Variants in OPCML observed in about 807,000 individuals in gnomAD.
OPCML encodes opioid binding protein/cell adhesion molecule like.
In OPCML, 13 loss-of-function variants were observed where a neutral mutation model predicts 37.8. The ratio of observed to expected loss-of-function variants is 0.34; its 90% CI spans 0.22 to 0.55. The LOEUF (loss-of-function observed/expected upper bound fraction) is 0.55. OPCML is among the 20% of genes least tolerant of loss of function. OPCML has a pLI of 0.91. For missense variants in OPCML, 341 were observed against 435.6 expected (o/e 0.78, Z 1.93); for synonymous variants, 176 against 168.8 (o/e 1.04, Z -0.33).
chr11:132,445,165 CA>C (rs1423180154), intron 4 of OPCML, among the ~76,000 whole-genome samples: 1 of 152,198 alleles, frequency 6.6e-6, no homozygotes, highest in East Asian at 1.9e-4. Flanking sequence ...ATCACAAGAT[CA>C]ATGTGTTACT....
At chr11:133,382,890 T>G (rs1188813947) in intron 1 of OPCML, among the ~76,000 whole-genome samples, 1 of 152,158 alleles carries the variant, frequency 6.6e-6, no homozygotes, top group African/African-American at 2.4e-5. Context: ...AGCTCCTAGA[T>G]AGCTTTTCTG....
intron 1 of OPCML, among the ~76,000 whole-genome samples, chr11:133,213,963 G>T (rs1480196101): frequency 6.6e-6 from 1 of 152,028 alleles, no homozygotes; most frequent in African/African-American, 2.4e-5. Context: ...AAGTGATTTT[G>T]ATTTTTAGAT....
chr11:133,466,754 T>G (rs939167092), intron 1 of OPCML, among the ~76,000 whole-genome samples: 2 of 152,148 alleles, frequency 1.3e-5, no homozygotes, highest in East Asian at 3.9e-4. Context: ...TTTAGTAACT[T>G]GAGTGACAAG....
chr11:132,842,381 C>T (rs1219096175), intron 2 of OPCML, among the ~76,000 whole-genome samples: 1 of 152,246 alleles, frequency 6.6e-6, no homozygotes, highest in East Asian at 1.9e-4. Flanking sequence ...CACCACATTA[C>T]TCAGCAGCTC....
At chr11:132,875,096 T>C (rs960008502) in intron 2 of OPCML, among the ~76,000 whole-genome samples, 1 of 152,224 alleles carries the variant, frequency 6.6e-6, no homozygotes, top group Non-Finnish European at 1.5e-5. Context: ...GAAAAGGGGA[T>C]ATGCACTTTG....
intron 1 of OPCML, among the ~76,000 whole-genome samples, chr11:133,386,439 A>T (rs1945054682): frequency 6.6e-6 from 1 of 152,196 alleles, no homozygotes; most frequent in Non-Finnish European, 1.5e-5. Flanking sequence ...TAATTAAATT[A>T]GAAGACATAC....
chr11:132,549,217 C>G (rs2096375889), intron 3 of OPCML, among the ~76,000 whole-genome samples: 1 of 152,302 alleles, frequency 6.6e-6, no homozygotes, highest in Non-Finnish European at 1.5e-5. Context: ...TCATTATACA[C>G]TAATTATAAT....
intron 1 of OPCML, among the ~76,000 whole-genome samples, chr11:133,032,373 T>C (rs556307886): frequency 6.6e-6 from 1 of 152,340 alleles, no homozygotes; most frequent in South Asian, 2.1e-4. Flanking sequence ...ATTGGAACAC[T>C]GACTTTATTG....
chr11:133,204,884 A>ATGTGTGTGTG (rs1555114209), intron 1 of OPCML, among the ~76,000 whole-genome samples: 2 of 36,286 alleles, frequency 5.5e-5, no homozygotes, highest in African/African-American at 1.7e-4. Context: ...ATATATATAT[A>ATGTGTGTGTG]TATATATATA....
chr11:133,218,316 G>A (rs918280286), intron 1 of OPCML, among the ~76,000 whole-genome samples: 1 of 152,068 alleles, frequency 6.6e-6, no homozygotes, highest in Non-Finnish European at 1.5e-5. Context: ...CTGTGGAGAG[G>A]AGAATTACAG....
intron 1 of OPCML, among the ~76,000 whole-genome samples, chr11:133,492,250 C>T (rs974077179): frequency 5.9e-5 from 9 of 152,182 alleles, no homozygotes; most frequent in African/African-American, 1.2e-4. Context: ...GCCTCCCCAC[C>T]GCACTGGGTC....
chr11:132,661,557 C>G (rs1485766496), intron 2 of OPCML, among the ~76,000 whole-genome samples: 1 of 152,160 alleles, frequency 6.6e-6, no homozygotes, highest in Non-Finnish European at 1.5e-5. Context: ...CCTGGACTCT[C>G]ATTAACAAGA....
chr11:132,678,393 C>T (rs949798376), intron 2 of OPCML, among the ~76,000 whole-genome samples: 6 of 152,184 alleles, frequency 3.9e-5, no homozygotes, highest in Non-Finnish European at 8.8e-5. Flanking sequence ...GTCCTTTTTA[C>T]TATTTTTCTA....
chr11:132,498,919 CAGA>C lies in OPCML; in HGVS notation c.505+30139_505+30141del, dbSNP rs376316356. Among the ~76,000 whole-genome samples the C allele has an allele frequency of 2.5e-4, 38 of 152,242 alleles. No homozygotes were observed. The South Asian group carries it at 7.1e-3, about 28-fold the overall frequency. ...TCCAAATCTCAAAAAAAATGAAAGC[CAGA>C]AGAAGTGGTACGTGCTACACAAATG... On this transcript the variant is annotated intron_variant, in intron 4 of 7. Transcript: ENST00000524381.
intron 2 of OPCML, among the ~76,000 whole-genome samples, chr11:132,917,860 TA>T (rs1944658537): frequency 6.6e-6 from 1 of 152,200 alleles, no homozygotes; most frequent in Non-Finnish European, 1.5e-5. Context: ...CAAACTCCTG[TA>T]CTTCTGCCCT....
At chr11:133,393,179 G>T (rs1310203582) in intron 1 of OPCML, among the ~76,000 whole-genome samples, 1 of 152,108 alleles carries the variant, frequency 6.6e-6, no homozygotes, top group East Asian at 1.9e-4. Flanking sequence ...TGTTAGAGAA[G>T]CTACATTCAG....
At chr11:132,553,587 G>T (rs1211365950) in intron 3 of OPCML, among the ~76,000 whole-genome samples, 1 of 152,108 alleles carries the variant, frequency 6.6e-6, no homozygotes, top group Non-Finnish European at 1.5e-5. Flanking sequence ...GGATAAGTAG[G>T]CAAGATATGG....
intron 1 of OPCML, among the ~76,000 whole-genome samples, chr11:133,247,561 T>TTTCTTTCTTTCTTTCC (rs1940977617): frequency 6.7e-6 from 1 of 148,192 alleles, no homozygotes; most frequent in African/African-American, 2.5e-5. Flanking sequence ...TCTTTCTTTC[T>TTTCTTTCTTTCTTTCC]TTCTTTCTTT....
chr11:133,082,229 T>A (rs1265601205), intron 1 of OPCML, among the ~76,000 whole-genome samples: 1 of 151,526 alleles, frequency 6.6e-6, no homozygotes, highest in Non-Finnish European at 1.5e-5. Flanking sequence ...CCCGGGGTCC[T>A]GGGCCACTCC....
Sources: allele counts gnomAD v4.1 joint callset (sites outside exome capture counted in the v4.1 genomes callset), GRCh38; gene constraint gnomAD v4.1.1; transcripts MANE v1.5; gene names NCBI Gene and HGNC (gene_info 2026-07-23, HGNC 2026-07-21).